Variants in DPP9 observed in about 807,000 individuals in gnomAD.
The protein encoded by DPP9 is dipeptidyl peptidase IV-related protein-2.
Under a neutral mutation model 110.7 loss-of-function variants are expected in DPP9, and 50 were observed. That is an observed-to-expected ratio of 0.45 (90% CI 0.36 to 0.57). The LOEUF is 0.57. Ranked by LOEUF, DPP9 falls within the 20% of genes least tolerant of loss-of-function variation. The probability of loss-of-function intolerance (pLI) is 0.00; values close to 1 mark genes in which losing one functional copy is unlikely to be tolerated. For missense variants in DPP9, 1,022 were observed against 1,217.9 expected, an observed-to-expected ratio of 0.84 and a Z score of 2.39; for synonymous variants, 561 against 514.4, an observed-to-expected ratio of 1.09 and a Z score of -1.23.
rs2092758926 is a variant in DPP9 at position 4,710,057 on chromosome 19, C to T, written c.313+4024G>A. Among the ~76,000 whole-genome samples, 1 of 152,206 alleles carries T rather than the reference C, an allele frequency of 6.6e-6. No individual in the cohort carries two copies. The highest frequency in any genetic ancestry group is 2.4e-5 in the African/African-American group (1 of 41,450). ...CCTTTGAGGCAAGGGCTAGAGGTGA[C>T]CGCCAAGGGCTGTGGATTTCTGCTG... On this transcript the variant is annotated intron_variant, in intron 4 of 21. Coordinates refer to ENST00000262960, the MANE Select transcript of DPP9 (RefSeq NM_139159.5). This position sits in a 1 kb window ranked among gnomAD's most constrained non-coding sequence, Gnocchi z 5.6.
Position 4,677,755 on chromosome 19 carries a change from T to C in DPP9, c.2587-1099A>G, listed in dbSNP as rs1411695218. ...CTTGACACCAGCCATATGCACATGT[T>C]GTGCCCATGCCTTTATGCCACTCTG... On this transcript the variant is annotated intron_variant, in intron 21 of 21. Coordinates refer to ENST00000262960, the MANE Select transcript of DPP9 (RefSeq NM_139159.5). Among the ~76,000 whole-genome samples, 8 of 152,338 alleles carry C rather than the reference T, an allele frequency of 5.3e-5. No individual in the cohort carries two copies. In the East Asian group the frequency reaches 1.2e-3, roughly 22 times the overall value.
At chr19:4,722,644 G>T in intron 1 of DPP9, 93 bp from the exon 2 acceptor site, 1 of 691,312 alleles carries the variant, frequency 1.4e-6, no homozygotes, top group Non-Finnish European at 2.6e-6. Context: ...CAGACTGTCA[G>T]GCCCGATTCT....
In DPP9 at chr19:4,685,083, T is replaced by C. The variant is rs1165489497; in HGVS notation, c.2032-274A>G. 3.2e-6 allele frequency: 2 copies of C among 628,580 alleles called. No homozygotes were observed. The highest frequency in any genetic ancestry group is 5.9e-6 in the Non-Finnish European group (2 of 338,198). 38.9% of individuals were successfully genotyped at this position (628,580 alleles called of 1,614,324 possible). A position where few individuals can be genotyped will look rare whatever the true frequency, so the allele number is the denominator to read the frequency against. ...CCTGCCTGGAACAACTACTCTGGCA[T>C]GATGGACATTGGGGTGGCTCCTTCT... On this transcript the variant is annotated intron_variant, in intron 17 of 21. Transcript: ENST00000262960. This position sits in a 1 kb window ranked among gnomAD's most constrained non-coding sequence, Gnocchi z 5.8.
At position 4,685,520 on chromosome 19, in the gene DPP9, G is replaced by A. The variant is rs904666846; in HGVS notation, c.2031+106C>T. The A allele has an allele frequency of 1.5e-5, 19 of 1,278,074 alleles. No homozygotes were observed. The highest frequency in any genetic ancestry group is 4.4e-5 in the African/African-American group (3 of 68,078). 79.2% of individuals were successfully genotyped at this position (1,278,074 alleles called of 1,614,324 possible). A position where few individuals can be genotyped will look rare whatever the true frequency, so the allele number is the denominator to read the frequency against. ...GGGCTGGGGCACCAGGCAGGTAGCCGGGGAGCCTCCTCTGGTTGACTGTTC... is the reference window on the plus strand; with the variant it reads ...GGGCTGGGGCACCAGGCAGGTAGCCAGGGAGCCTCCTCTGGTTGACTGTTC... On this transcript the variant is annotated intron_variant, in intron 17 of 21. Coordinates refer to ENST00000262960, the MANE Select transcript of DPP9 (RefSeq NM_139159.5). The surrounding 1 kb of genome is among the most constrained non-coding windows in gnomAD (Gnocchi z 5.8).
At position 4,693,960 on chromosome 19, in the gene DPP9, C is replaced by T. The variant is rs1362406852; in HGVS notation, c.1516+701G>A. Among the ~76,000 whole-genome samples the T allele has an allele frequency of 6.6e-6, 1 of 151,942 alleles. No individual in the cohort carries two copies. Among genetic ancestry groups the T allele is most frequent in the East Asian group, 1.9e-4 (1 of 5,166 alleles). ...TCTGCCCAGAGCCGTGGTGTGGACC[C>T]CTCACCTCCACAGCATGCTCTCCAG... On this transcript the variant is annotated intron_variant, in intron 13 of 21. Transcript: ENST00000262960. The surrounding 1 kb of genome is among the most constrained non-coding windows in gnomAD (Gnocchi z 5.0).
intron 20 of DPP9, among the ~76,000 whole-genome samples, chr19:4,681,998 G>A (rs973442004): frequency 2.6e-5 from 4 of 151,576 alleles, no homozygotes; most frequent in East Asian, 1.9e-4. Flanking sequence ...ACAGGCACCC[G>A]CCACCACACC....
intron 4 of DPP9, among the ~76,000 whole-genome samples, chr19:4,713,811 C>A (rs536910332): frequency 1.3e-5 from 2 of 152,192 alleles, no homozygotes; most frequent in Non-Finnish European, 2.9e-5. Context: ...CCGGCTTGAG[C>A]CACGGCATCC....
Position 4,700,281 on chromosome 19 carries a change from C to G in DPP9, c.1013-4G>C. ...GCAATCTTGGGATTCTTGCTGCCTG[C>G]AAAAACCGAAGTGAGGTGAACACCA... On this transcript the variant is annotated splice_region_variant and splice_polypyrimidine_tract_variant and intron_variant, in intron 9 of 21. Coordinates refer to ENST00000262960, the MANE Select transcript of DPP9 (RefSeq NM_139159.5). This position sits in a 1 kb window ranked among gnomAD's most constrained non-coding sequence, Gnocchi z 4.3. 1 of 1,595,476 alleles carries G rather than the reference C, an allele frequency of 6.3e-7. No homozygotes were observed. The highest frequency in any genetic ancestry group is 8.6e-7 in the Non-Finnish European group (1 of 1,168,550).
At chr19:4,679,588 G>GC (rs1358616667) in intron 21 of DPP9, 1 of 522,714 alleles carries the variant, frequency 1.9e-6, no homozygotes, top group South Asian at 2.2e-5. Context: ...GGGTGTGGCA[G>GC]CCCCCGATCC....
At chr19:4,696,459 C>T (rs1440978096) in intron 11 of DPP9, among the ~76,000 whole-genome samples, 1 of 140,384 alleles carries the variant, frequency 7.1e-6, no homozygotes, top group Non-Finnish European at 1.5e-5. Context: ...GACCTTGTCT[C>T]TACAAAAAAA....
At chr19:4,713,158 C>T (rs139408401) in intron 4 of DPP9, among the ~76,000 whole-genome samples, 2 of 152,236 alleles carry the variant, frequency 1.3e-5, no homozygotes, top group Non-Finnish European at 2.9e-5. Context: ...CGGCCCCACC[C>T]CAGAGAACGA....
At chr19:4,717,297 C>T (rs2093125553) in intron 3 of DPP9, among the ~76,000 whole-genome samples, 1 of 152,184 alleles carries the variant, frequency 6.6e-6, no homozygotes, top group African/African-American at 2.4e-5. Flanking sequence ...CTGCAGGTCC[C>T]CTCCAGGGCA....
In DPP9 at chr19:4,688,833, G is replaced by C. The variant is rs756322231; in HGVS notation, c.1809C>G (p.Val603=). 1 of 1,509,490 alleles carries C rather than the reference G, an allele frequency of 6.6e-7. No individual in the cohort carries two copies. The highest frequency in any genetic ancestry group is 2.8e-5 in the Admixed American group (1 of 36,224). The allele number at this position is 1,509,490 out of a possible 1,614,324, so 93.5% of individuals were successfully genotyped here. The change falls in exon 16 of 22, where the codon GTC becomes GTG. Residue 603 remains valine (V), a synonymous_variant. Transcript: ENST00000262960. ...SSVSTPPCVH[V]YKLSGPDDDP... ...CGTCGTCGGGGCCGCTCAGCTTGTA[G>C]ACGTGCACGCAGGGCGGCGTGCTCA...
chr19:4,690,742 T>C (rs1317415227), intron 14 of DPP9, 136 bp downstream of exon 14: 1 of 727,244 alleles, frequency 1.4e-6, no homozygotes, highest in South Asian at 1.7e-5. Flanking sequence ...CACAGGTGTG[T>C]GTGCGTGTGT....
In DPP9 at chr19:4,697,598, C is replaced by G. The variant is rs752677171; in HGVS notation, c.1128G>C (p.Pro376=). The G allele has an allele frequency of 1.9e-6, 3 of 1,613,918 alleles. No homozygotes were observed. The highest frequency in any genetic ancestry group is 2.5e-6 in the Non-Finnish European group (3 of 1,179,868). Residue 376 remains proline (P), a synonymous_variant, in exon 11 of 22, where the codon CCG becomes CCC. Transcript: ENST00000262960. ...CGGCCCTGGCGATGTACTCCACCTT[C>G]GGGAACAGCGAGCTGAAGGGCTGCA... The part of the protein sequence containing the change: ...ELVQPFSSLF[P]KVEYIARAGW...
chr19:4,691,670 C>CTTTTTT (rs1006998596), intron 13 of DPP9, among the ~76,000 whole-genome samples: 7 of 95,086 alleles, frequency 7.4e-5, no homozygotes, highest in Non-Finnish European at 1.2e-4. Context: ...TAAAACCAGA[C>CTTTTTT]TTTTTTTTTT....
At chr19:4,703,184 G>T (rs1027197029) in intron 7 of DPP9, among the ~76,000 whole-genome samples, 31 of 152,136 alleles carry the variant, frequency 2.0e-4, no homozygotes, top group Admixed American at 1.7e-3. Flanking sequence ...GGAGTGGAGA[G>T]AACACGCAGG....
rs1394239425 is a variant in DPP9, at chr19:4,689,711, A to G, written c.1608T>C (p.Asn536=). 6.5e-7 allele frequency: 1 copy of G among 1,549,914 alleles called. No individual in the cohort carries two copies. The highest frequency in any genetic ancestry group is 2.0e-5 in the Admixed American group (1 of 50,876). ...LARHGSKIWV[N]EETKLVYFQG... ...GGAAGTACACCAGCTTGGTCTCCTC[A>G]TTGACCCAGATCTGCAGGGGGACAG... The change falls in exon 15 of 22, where the codon AAT becomes AAC. Residue 536 remains asparagine (N), a synonymous_variant. Transcript: ENST00000262960. The surrounding 1 kb of genome is among the most constrained non-coding windows in gnomAD (Gnocchi z 7.0).
In DPP9 at chr19:4,679,795, TCGGCTC is replaced by T. The variant is rs773001673; in HGVS notation, c.2586+34_2586+39del. 2.7e-6 allele frequency: 4 copies of T among 1,459,554 alleles called. No homozygotes were observed. In the South Asian group the frequency reaches 4.8e-5, roughly 18 times the overall value. The allele number at this position is 1,459,554 out of a possible 1,614,324, so 90.4% of individuals were successfully genotyped here. ...CCCACCCCCCACTCCCAGGGATCTG[TCGGCTC>T]GCGGAGGGGCCGAAGCCCCCAACAG... On this transcript the variant is annotated intron_variant, in intron 21 of 21. Coordinates refer to ENST00000262960, the MANE Select transcript of DPP9 (RefSeq NM_139159.5).
Sources: gnomAD v4.1 joint callset for allele counts (sites outside exome capture counted in the v4.1 genomes callset) on GRCh38, gnomAD v4.1.1 for gene constraint, Gnocchi (gnomAD v3.1) non-coding constraint, MANE v1.5 for transcripts, NCBI Gene and HGNC (gene_info 2026-07-23, HGNC 2026-07-21) for gene names.